The following ROBO2 variants were observed in gnomAD, a reference collection of about 807,000 sequenced individuals.
ROBO2 encodes roundabout guidance receptor 2, also known as roundabout homolog 2.
Under a neutral mutation model 160.8 loss-of-function variants are expected in ROBO2, and 53 were observed. The ratio of observed to expected loss-of-function variants is 0.33; its 90% confidence interval spans 0.26 to 0.41. The LOEUF (loss-of-function observed/expected upper bound fraction) is 0.41, where lower values mean the gene tolerates loss of function less well. ROBO2 is among the 10% of genes least tolerant of loss of function. ROBO2 has a pLI of 1.00. For synonymous variants in ROBO2, 664 were observed against 611.7 expected (o/e 1.09, Z -1.26); for missense variants, 1,577 against 1,722.4 (o/e 0.92, Z 1.49).
chr3:76,851,608 G>A (rs1265252314), intron 2 of ROBO2, among the ~76,000 whole-genome samples: 3 of 149,860 alleles, frequency 2.0e-5, no homozygotes, highest in Admixed American at 6.6e-5. Context: ...GGTGGCGGGC[G>A]CCTGTAGTCC....
At chr3:77,017,007 C>T (rs1326265083) in intron 2 of ROBO2, among the ~76,000 whole-genome samples, 1 of 152,160 alleles carries the variant, frequency 6.6e-6, no homozygotes, top group Admixed American at 6.5e-5. Context: ...TTTTCTGCCA[C>T]TTCTAAATGC....
At chr3:77,510,333 G>C (rs578137592) in intron 5 of ROBO2, among the ~76,000 whole-genome samples, 1 of 152,056 alleles carries the variant, frequency 6.6e-6, no homozygotes, top group Non-Finnish European at 1.5e-5. Flanking sequence ...AAGCAGGGTA[G>C]AGAAAATAAA....
intron 2 of ROBO2, among the ~76,000 whole-genome samples, chr3:76,080,606 G>A (rs1010801972): frequency 6.6e-6 from 1 of 152,108 alleles, no homozygotes; most frequent in African/African-American, 2.4e-5. Flanking sequence ...TTTTGATCAT[G>A]TATGTCTGCT....
intron 2 of ROBO2, among the ~76,000 whole-genome samples, chr3:76,160,662 C>T (rs181937280): frequency 6.6e-6 from 1 of 152,128 alleles, no homozygotes; most frequent in East Asian, 1.9e-4. Context: ...TCCACCTAAG[C>T]CTCATCATAA....
chr3:76,151,565 C>G (rs2072203891), intron 2 of ROBO2, among the ~76,000 whole-genome samples: 1 of 152,138 alleles, frequency 6.6e-6, no homozygotes, highest in Non-Finnish European at 1.5e-5. Context: ...AGAAATAGAA[C>G]AGCTGCTTAA....
At chr3:76,131,985 G>A (rs967323660) in intron 2 of ROBO2, among the ~76,000 whole-genome samples, 2 of 152,114 alleles carry the variant, frequency 1.3e-5, no homozygotes, top group African/African-American at 4.8e-5. Context: ...AATAATAGCA[G>A]TTATGACAAT....
At chr3:75,996,085 T>A (rs2065718531) in intron 2 of ROBO2, among the ~76,000 whole-genome samples, 1 of 152,108 alleles carries the variant, frequency 6.6e-6, no homozygotes, top group Non-Finnish European at 1.5e-5. Context: ...GGGTTAATTC[T>A]GGAATGAGGT....
At chr3:76,794,626 G>A (rs1020844372) in intron 2 of ROBO2, among the ~76,000 whole-genome samples, 6 of 151,876 alleles carry the variant, frequency 4.0e-5, no homozygotes, top group African/African-American at 1.4e-4. Context: ...TGACCTTACA[G>A]CAATCGGATT....
At position 75,991,052 on chromosome 3, in the gene ROBO2, T is replaced by A. The variant is rs143207923; in HGVS notation, c.109+53450T>A. Among the ~76,000 whole-genome samples, 75 of 152,348 alleles carry A rather than the reference T, an allele frequency of 4.9e-4. 1 individual carries two copies. The highest frequency in any genetic ancestry group is 1.8e-3 in the African/African-American group (73 of 41,596). ...GGTTCTTTGACCTTCAAACTGAGCCTGAATTATAGTACCTGCTTTCCTGGT... is the reference window on the plus strand; with the variant it reads ...GGTTCTTTGACCTTCAAACTGAGCCAGAATTATAGTACCTGCTTTCCTGGT... On this transcript the variant is annotated intron_variant, in intron 2 of 26. Coordinates refer to the ROBO2 transcript ENST00000487694.
intron 2 of ROBO2, among the ~76,000 whole-genome samples, chr3:76,070,787 A>G (rs556774412): frequency 1.8e-4 from 28 of 151,632 alleles, no homozygotes; most frequent in Non-Finnish European, 3.7e-4. Context: ...CTGTCCCTTT[A>G]TTTCTCAAGC....
At chr3:76,938,730 G>A (rs1419142689) in intron 2 of ROBO2, among the ~76,000 whole-genome samples, 2 of 151,912 alleles carry the variant, frequency 1.3e-5, no homozygotes, top group African/African-American at 2.4e-5. Context: ...AGCACTTTGG[G>A]AGGCCGAGGC....
intron 2 of ROBO2, among the ~76,000 whole-genome samples, chr3:76,999,869 G>A (rs1344055203): frequency 6.6e-6 from 1 of 152,096 alleles, no homozygotes; most frequent in Non-Finnish European, 1.5e-5. Flanking sequence ...TCTGTTTCAT[G>A]TGTTGTTTTT....
chr3:76,284,452 C>T (rs1436306018), intron 2 of ROBO2, among the ~76,000 whole-genome samples: 2 of 152,006 alleles, frequency 1.3e-5, no homozygotes, highest in Admixed American at 1.3e-4. Context: ...CTTCCAAGGG[C>T]ATCTCCCATT....
intron 2 of ROBO2, among the ~76,000 whole-genome samples, chr3:76,056,318 C>T (rs1172893425): frequency 6.6e-6 from 1 of 152,082 alleles, no homozygotes; most frequent in African/African-American, 2.4e-5. Flanking sequence ...TGTATTCAGA[C>T]TGAAACAAAA....
intron 2 of ROBO2, among the ~76,000 whole-genome samples, chr3:77,281,878 T>A (rs1013658169): frequency 2.6e-4 from 39 of 152,226 alleles, no homozygotes; most frequent in African/African-American, 8.4e-4. Flanking sequence ...AGCACTTCTA[T>A]GAGAATCTAA....
Position 76,255,767 on chromosome 3 carries a change from T to C in ROBO2, c.109+318165T>C, listed in dbSNP as rs578198156. The stretch of plus-strand genomic sequence containing the variant: ...AAGATATTTAAAGATGCCTGTTGTA[T>C]AGACAATTCTCATGCAGTTAAAAGC... On this transcript the variant is annotated intron_variant, in intron 2 of 26. Coordinates refer to the ROBO2 transcript ENST00000487694. Among the ~76,000 whole-genome samples the C allele has an allele frequency of 9.9e-5, 15 of 152,236 alleles. No homozygotes were observed. In the East Asian group the frequency reaches 2.9e-3, roughly 29 times the overall value.
intron 2 of ROBO2, among the ~76,000 whole-genome samples, chr3:77,291,460 A>G (rs2061242180): frequency 6.6e-6 from 1 of 151,824 alleles, no homozygotes; most frequent in Non-Finnish European, 1.5e-5. Context: ...AGTAAAATTG[A>G]TGGTTAAACG....
At chr3:76,988,424 TTA>T (rs2060499032) in intron 2 of ROBO2, among the ~76,000 whole-genome samples, 1 of 152,148 alleles carries the variant, frequency 6.6e-6, no homozygotes, top group Non-Finnish European at 1.5e-5. Flanking sequence ...TATCAATAAT[TTA>T]TATAACTTGT....
chr3:76,437,513 T>C (rs2076737534), intron 2 of ROBO2, among the ~76,000 whole-genome samples: 1 of 152,198 alleles, frequency 6.6e-6, no homozygotes, highest in South Asian at 2.1e-4. Flanking sequence ...GTTCCTTCAA[T>C]TGAAATGTCA....
Sources: allele counts gnomAD v4.1 joint callset (sites outside exome capture counted in the v4.1 genomes callset), GRCh38; gene constraint gnomAD v4.1.1; transcripts MANE v1.5; gene names NCBI Gene and HGNC (gene_info 2026-07-23, HGNC 2026-07-21).